The following GART variants were observed in gnomAD, a reference collection of about 807,000 sequenced individuals.
GART encodes trifunctional purine biosynthetic protein adenosine-3.
Under a neutral mutation model 107.2 loss-of-function variants are expected in GART, and 43 were observed. That is an observed-to-expected ratio of 0.40 (90% CI 0.31 to 0.52). The LOEUF (loss-of-function observed/expected upper bound fraction) is 0.52, where lower values mean the gene tolerates loss of function less well. Ranked by LOEUF, GART falls within the 20% of genes least tolerant of loss-of-function variation. The probability of loss-of-function intolerance (pLI) is 0.52; values close to 1 mark genes in which losing one functional copy is unlikely to be tolerated. For synonymous variants in GART, 434 were observed against 427.0 expected (o/e 1.02, Z -0.20); for missense variants, 1,107 against 1,206.5 (o/e 0.92, Z 1.22).
intron 4 of GART, among the ~76,000 whole-genome samples, chr21:33,534,292 AG>A (rs2085260041): frequency 6.6e-6 from 1 of 152,214 alleles, no homozygotes. Context: ...GGCTCAGTGC[AG>A]CCTCCGCCTC....
At chr21:33,522,153 A>C (rs1271450324) in intron 12 of GART, 35 bp downstream of exon 12, 1 of 1,446,232 alleles carries the variant, frequency 6.9e-7, no homozygotes, top group Admixed American at 1.7e-5. Context: ...ATGTATATCA[A>C]AGTTAATGAA....
At position 33,535,324 on chromosome 21, in the gene GART, T is replaced by C. The variant is rs541403139; in HGVS notation, c.146-4A>G. ...GTGTGGTCACTGATTGAGATGGCTG[T>C]AAACAGAAAAAAAAAAAAAAAAACC... On this transcript the variant is annotated splice_polypyrimidine_tract_variant and splice_region_variant and intron_variant, in intron 2 of 21. Coordinates refer to ENST00000381815, the MANE Select transcript of GART (RefSeq NM_000819.5). 3 of 548,324 alleles carry C rather than the reference T, an allele frequency of 5.5e-6. No homozygotes were observed. Among genetic ancestry groups the C allele is most frequent in the South Asian group, 2.0e-5 (1 of 49,130 alleles). The allele number at this position is 548,324 out of a possible 1,614,324, so 34.0% of individuals were successfully genotyped here. A position where few individuals can be genotyped will look rare whatever the true frequency, so the allele number is the denominator to read the frequency against.
chr21:33,511,944 T>A (rs2084792002), intron 16 of GART, among the ~76,000 whole-genome samples: 1 of 152,118 alleles, frequency 6.6e-6, no homozygotes, highest in Non-Finnish European at 1.5e-5. Context: ...TCATTCTTTT[T>A]AAAATTTAGA....
chr21:33,504,573 G>A, intron 20 of GART, 46 bp from the exon 21 acceptor site: 1 of 1,377,310 alleles, frequency 7.3e-7, no homozygotes, highest in Non-Finnish European at 1.0e-6. Flanking sequence ...AAAATCCTGG[G>A]TATTCTGTTA....
Position 33,520,901 on chromosome 21 carries a change from ATTACCT to A in GART, c.1502_1503+4del. 2 of 1,585,006 alleles carry A rather than the reference ATTACCT, an allele frequency of 1.3e-6. No individual in the cohort carries two copies. The highest frequency in any genetic ancestry group is 1.7e-6 in the Non-Finnish European group (2 of 1,162,196). Reference sequence around the variant, plus strand: ...AGGCCTTTATTCACAAAGGTGTCTGATTACCTTTAGTTTAGTTCCAACGCCATCTGT... The same window carrying A: ...AGGCCTTTATTCACAAAGGTGTCTGATTAGTTTAGTTCCAACGCCATCTGT... On this transcript the variant is annotated splice_donor_variant and splice_donor_region_variant and coding_sequence_variant and intron_variant, in exon 13 of 22. Coordinates refer to ENST00000381815, the MANE Select transcript of GART (RefSeq NM_000819.5). LOFTEE classifies it high-confidence loss of function.
At chr21:33,512,055 G>A (rs1242168996) in intron 16 of GART, among the ~76,000 whole-genome samples, 1 of 151,858 alleles carries the variant, frequency 6.6e-6, no homozygotes, top group Non-Finnish European at 1.5e-5. Context: ...AGAGGCTGAG[G>A]TGGGCGGATC....
At chr21:33,514,962 A>G (rs114058053) in intron 16 of GART, among the ~76,000 whole-genome samples, 1,805 of 152,212 alleles carry the variant, frequency 0.012, 35 homozygotes, top group African/African-American at 0.041. Flanking sequence ...TTAGCTCACC[A>G]TATCTACTCA....
At chr21:33,505,257 T>C (rs747185195) in intron 20 of GART, among the ~76,000 whole-genome samples, 36 of 152,320 alleles carry the variant, frequency 2.4e-4, no homozygotes, top group Non-Finnish European at 3.7e-4. Context: ...ATTCAAAAGA[T>C]GAAATATTAT....
intron 20 of GART, 31 bp downstream of exon 20, chr21:33,505,530 C>A: frequency 6.4e-7 from 1 of 1,566,952 alleles, no homozygotes; most frequent in Non-Finnish European, 8.6e-7. Flanking sequence ...CAATTGATTT[C>A]CCAATGTGAT....
At chr21:33,506,874 C>T (rs1300001761) in intron 18 of GART, among the ~76,000 whole-genome samples, 1 of 152,126 alleles carries the variant, frequency 6.6e-6, no homozygotes, top group African/African-American at 2.4e-5. Context: ...TATTGTCTCG[C>T]CCCGGTTAAA....
In GART at chr21:33,534,666, G is replaced by A. The variant is rs2085270490; in HGVS notation, c.329C>T (p.Ala110Val). ...AAQLESSKRFAKEFMDRHGIP... is the reference protein window; with the variant it reads ...AAQLESSKRFVKEFMDRHGIP... ...TCCATGTCTGTCCATAAACTCTTTG[G>A]CAAACCTTTTGCTGGACTCTAACTG... The change falls in exon 4 of 22, where the codon GCC (alanine) becomes GTC (valine). Residue 110 changes from alanine to valine, a missense_variant. Transcript: ENST00000381815. 12 of 1,613,800 alleles carry A rather than the reference G, an allele frequency of 7.4e-6. No individual in the cohort carries two copies. Among genetic ancestry groups the A allele is most frequent in the Non-Finnish European group, 1.0e-5 (12 of 1,179,874 alleles).
chr21:33,522,096 G>T, intron 12 of GART, 92 bp downstream of exon 12: 1 of 968,158 alleles, frequency 1.0e-6, no homozygotes, highest in Non-Finnish European at 1.6e-6. Context: ...ACCAAGCATT[G>T]CTTTGGAAAA....
At position 33,521,004 on chromosome 21, in the gene GART, C is replaced by T; in HGVS notation, c.1405G>A (p.Asp469Asn). The T allele has an allele frequency of 6.2e-7, 1 of 1,613,474 alleles. No individual in the cohort carries two copies. The highest frequency in any genetic ancestry group is 2.2e-5 in the East Asian group (1 of 44,832). Residue 469 changes from aspartate to asparagine, a missense_variant, in exon 13 of 22, where the codon GAT (aspartate) becomes AAT (asparagine). Coordinates refer to ENST00000381815, the MANE Select transcript of GART (RefSeq NM_000819.5). ...AAAAGACCAGCAAAACCTCCAAGAT[C>T]AACTTTACAGCCTGTTGGAGAGGAA... Reference protein sequence around the residue: ...KATSRSGCKVDLGGFAGLFDL... With the variant: ...KATSRSGCKVNLGGFAGLFDL...
chr21:33,539,555 T>G (rs751219354), intron 1 of GART, among the ~76,000 whole-genome samples, 199 bp from the exon 2 acceptor site: 10 of 151,920 alleles, frequency 6.6e-5, no homozygotes, highest in Non-Finnish European at 8.8e-5. Context: ...TAGCCAGGCA[T>G]GGTGGCGGGT....
At chr21:33,512,637 G>A (rs955675375) in intron 16 of GART, among the ~76,000 whole-genome samples, 9 of 152,024 alleles carry the variant, frequency 5.9e-5, no homozygotes, top group African/African-American at 2.2e-4. Flanking sequence ...TGCCCAGGCT[G>A]GAGTGCAGTG....
intron 7 of GART, among the ~76,000 whole-genome samples, chr21:33,529,981 CAA>C (rs1393373305): frequency 6.6e-6 from 1 of 151,888 alleles, no homozygotes; most frequent in African/African-American, 2.4e-5. Context: ...GATCACGGGT[CAA>C]GAGATCCAGA....
chr21:33,533,049 C>CA, intron 4 of GART, among the ~76,000 whole-genome samples: 1 of 151,914 alleles, frequency 6.6e-6, no homozygotes, highest in East Asian at 1.9e-4. Flanking sequence ...GAAGTGCCAA[C>CA]AAAAAAAGGG....
chr21:33,534,453 G>T, intron 4 of GART, 126 bp downstream of exon 4: 1 of 912,460 alleles, frequency 1.1e-6, no homozygotes, highest in Non-Finnish European at 1.7e-6. Flanking sequence ...CTGAGCTCAA[G>T]TGATTCACCT....
In GART at chr21:33,534,889, C is replaced by T; in HGVS notation, c.242-136G>A. 4.4e-6 allele frequency: 3 copies of T among 682,274 alleles called. No individual in the cohort carries two copies. In the South Asian group the frequency reaches 7.2e-5, roughly 16 times the overall value. The allele number at this position is 682,274 out of a possible 1,614,324, so 42.3% of individuals were successfully genotyped here. ...GGTGGCAGAGGATAACTAACTTTTT[C>T]ATGTTGTCTACTGGATAGAGATAAA... On this transcript the variant is annotated intron_variant, in intron 3 of 21. Coordinates refer to ENST00000381815, the MANE Select transcript of GART (RefSeq NM_000819.5).
Sources: gnomAD v4.1 joint callset for allele counts (sites outside exome capture counted in the v4.1 genomes callset) on GRCh38, gnomAD v4.1.1 for gene constraint, MANE v1.5 for transcripts, NCBI Gene and HGNC (gene_info 2026-07-23, HGNC 2026-07-21) for gene names.